Variants in RBFOX1 observed in about 807,000 individuals in gnomAD.
RBFOX1 encodes RNA binding protein fox-1 homolog 1.
In RBFOX1, 8 loss-of-function variants were observed where a neutral mutation model predicts 57.7. The observed-to-expected ratio is 0.14, with a 90% confidence interval of 0.08 to 0.25. RBFOX1 has a LOEUF of 0.25. Among genes scored for constraint, RBFOX1 ranks in the 10% least tolerant of loss-of-function variants. RBFOX1 has a pLI of 1.00. For missense variants in RBFOX1, 611 were observed against 548.5 expected (o/e 1.11, Z -1.14); for synonymous variants, 326 against 222.4 (o/e 1.47, Z -4.15).
intron 3 of RBFOX1, among the ~76,000 whole-genome samples, chr16:6,986,294 G>A (rs757744540): frequency 1.1e-4 from 16 of 151,882 alleles, no homozygotes; most frequent in Non-Finnish European, 1.3e-4. Context: ...TGTGCCTCCC[G>A]GGTTCAAGCG....
rs527465918 is a variant in RBFOX1 at position 5,613,237 on chromosome 16, A to G, written c.318+14276A>G. ...CTTCAGAAGAACCTCCCCACACCCA[A>G]CATGTGGGTGGACATCCTTCAAGGC... On this transcript the variant is annotated intron_variant, in intron 3 of 19. Transcript: ENST00000641259. Among the ~76,000 whole-genome samples the G allele has an allele frequency of 1.1e-3, 174 of 152,332 alleles. 1 individual carries two copies. Among genetic ancestry groups the G allele is most frequent in the Non-Finnish European group, 1.7e-3 (119 of 68,034 alleles).
intron 4 of RBFOX1, among the ~76,000 whole-genome samples, chr16:7,215,977 C>T (rs1049175294): frequency 6.6e-6 from 1 of 152,154 alleles, no homozygotes; most frequent in African/African-American, 2.4e-5. Flanking sequence ...CACGCCTCGG[C>T]CTCCCAAAGT....
intron 4 of RBFOX1, among the ~76,000 whole-genome samples, chr16:7,097,291 G>C (rs1249900231): frequency 6.6e-6 from 1 of 152,056 alleles, no homozygotes. Context: ...AGGAGGCTAG[G>C]CTGGCTCAGC....
intron 3 of RBFOX1, among the ~76,000 whole-genome samples, chr16:6,991,129 G>T (rs1334730881): frequency 1.6e-5 from 1 of 62,038 alleles, no homozygotes; most frequent in African/African-American, 6.4e-5. Context: ...TAATAAAATT[G>T]TCTCTCCAAA....
intron 1 of RBFOX1, chr16:5,467,196 C>CTCTCT (rs1555527583): frequency 2.8e-4 from 292 of 1,051,296 alleles, no homozygotes; most frequent in South Asian, 1.7e-3. Flanking sequence ...CTCTCTCTCT[C>CTCTCT]TTTTTTTTTT....
At chr16:6,255,032 A>G (rs2097651591) in intron 1 of RBFOX1, among the ~76,000 whole-genome samples, 1 of 150,676 alleles carries the variant, frequency 6.6e-6, no homozygotes, top group South Asian at 2.1e-4. Context: ...CATCTCTCCC[A>G]CCCCTTCCTT....
intron 4 of RBFOX1, among the ~76,000 whole-genome samples, chr16:7,163,081 C>T (rs568403818): frequency 6.6e-6 from 1 of 152,322 alleles, no homozygotes; most frequent in South Asian, 2.1e-4. Context: ...CTGCCAAGCA[C>T]AGTAGGGCAC....
Position 6,665,915 on chromosome 16 carries a change from G to A in RBFOX1, c.-16+11265G>A, listed in dbSNP as rs147471786. On this transcript the variant is annotated intron_variant, in intron 3 of 15. Transcript: ENST00000550418. ...CCCACCCAAATCTCATCTTGAATTG[G>A]AGCTCCCATAATTCCCACATGTTGT... Among the ~76,000 whole-genome samples, 254 of 152,200 alleles carry A rather than the reference G, an allele frequency of 1.7e-3. 1 individual carries two copies. In the East Asian group the frequency reaches 0.027, roughly 16 times the overall value.
intron 2 of RBFOX1, among the ~76,000 whole-genome samples, chr16:6,551,697 T>C (rs763438091): frequency 2.0e-5 from 3 of 152,154 alleles, no homozygotes; most frequent in Non-Finnish European, 4.4e-5. Flanking sequence ...TATTAAAAGA[T>C]TAGAGCCAAA....
At chr16:7,285,995 G>C (rs762885213) in intron 4 of RBFOX1, among the ~76,000 whole-genome samples, 4 of 152,140 alleles carry the variant, frequency 2.6e-5, no homozygotes, top group Non-Finnish European at 5.9e-5. Context: ...CGGGTAAGTA[G>C]ACTGAGTTTT....
intron 1 of RBFOX1, among the ~76,000 whole-genome samples, chr16:6,296,671 C>T (rs12448436): frequency 0.047 from 7,226 of 152,196 alleles, 208 homozygotes; most frequent in Middle Eastern, 0.11. Context: ...CCACCTGCCT[C>T]GGCCTCCCAA....
chr16:5,824,005 G>C (rs986744696), intron 3 of RBFOX1, among the ~76,000 whole-genome samples: 1 of 152,124 alleles, frequency 6.6e-6, no homozygotes, highest in Admixed American at 6.5e-5. Flanking sequence ...CTGATCTATG[G>C]TATAAGAGTT....
At chr16:6,341,073 A>C (rs904989147) in intron 2 of RBFOX1, among the ~76,000 whole-genome samples, 12 of 152,300 alleles carry the variant, frequency 7.9e-5, no homozygotes, top group African/African-American at 2.9e-4. Flanking sequence ...TGCTGCATCA[A>C]ATGATCACAA....
chr16:5,257,212 G>A (rs2062611582), intron 1 of RBFOX1, among the ~76,000 whole-genome samples: 1 of 152,090 alleles, frequency 6.6e-6, no homozygotes, highest in Middle Eastern at 3.2e-3. Context: ...ATATTCACAA[G>A]GGACCTTAGG....
intron 1 of RBFOX1, among the ~76,000 whole-genome samples, chr16:6,139,383 C>G (rs1049209918): frequency 2.6e-5 from 4 of 152,160 alleles, no homozygotes; most frequent in Non-Finnish European, 5.9e-5. Context: ...GTGGTCTTGC[C>G]CAAGTCACTT....
chr16:6,592,752 CT>C (rs1282318904), intron 2 of RBFOX1, among the ~76,000 whole-genome samples: 11 of 151,800 alleles, frequency 7.2e-5, no homozygotes, highest in Non-Finnish European at 1.2e-4. Flanking sequence ...AGAGCTCCCC[CT>C]GGTAGATGAA....
chr16:7,273,204 C>CCTTCCTCCCTTCCTTCCTT (rs2095367580), intron 4 of RBFOX1, among the ~76,000 whole-genome samples: 4 of 35,146 alleles, frequency 1.1e-4, no homozygotes, highest in Non-Finnish European at 2.0e-4. Context: ...CTTCCTCCCT[C>CCTTCCTCCCTTCCTTCCTT]CCTTCCTTCC....
At chr16:7,474,146 G>C (rs1333567021) in intron 4 of RBFOX1, among the ~76,000 whole-genome samples, 2 of 152,150 alleles carry the variant, frequency 1.3e-5, no homozygotes, top group African/African-American at 4.8e-5. Context: ...AATTAGCCAG[G>C]CATGGTGGCG....
intron 4 of RBFOX1, among the ~76,000 whole-genome samples, chr16:7,351,699 A>G (rs1326030763): frequency 6.6e-6 from 1 of 152,090 alleles, no homozygotes; most frequent in African/African-American, 2.4e-5. Flanking sequence ...GACACCTGGT[A>G]CTTTACTCTC....
Sources: allele counts gnomAD v4.1 joint callset (sites outside exome capture counted in the v4.1 genomes callset), GRCh38; gene constraint gnomAD v4.1.1; transcripts MANE v1.5; gene names NCBI Gene and HGNC (gene_info 2026-07-23, HGNC 2026-07-21).